Variants in STPG2 observed in about 807,000 individuals in gnomAD.
STPG2 encodes the protein sperm-tail PG-rich repeat-containing protein 2.
In STPG2, 56 loss-of-function variants were observed where a neutral mutation model predicts 54.2. The ratio of observed to expected loss-of-function variants is 1.03; its 90% confidence interval spans 0.83 to 1.29. The LOEUF is 1.29. Ranked by LOEUF, STPG2 falls within the 50% of genes most tolerant of loss-of-function variation. The pLI is 0.00. For synonymous variants in STPG2, 200 were observed against 181.8 expected, an observed-to-expected ratio of 1.10 and a Z score of -0.81; for missense variants, 596 against 544.9, an observed-to-expected ratio of 1.09 and a Z score of -0.93.
chr4:97,818,389 A>T (rs191037604), intron 9 of STPG2, among the ~76,000 whole-genome samples: 1 of 152,078 alleles, frequency 6.6e-6, no homozygotes, highest in East Asian at 1.9e-4. Context: ...TGACAATAGT[A>T]ACTAATCATA....
chr4:97,834,489 C>T (rs1455360719), intron 9 of STPG2, among the ~76,000 whole-genome samples: 2 of 151,958 alleles, frequency 1.3e-5, no homozygotes, highest in African/African-American at 2.4e-5. Context: ...CACATGTACC[C>T]CAGAACTTAA....
At chr4:98,029,185 T>G (rs566462836) in intron 5 of STPG2, among the ~76,000 whole-genome samples, 20 of 152,184 alleles carry the variant, frequency 1.3e-4, no homozygotes, top group African/African-American at 3.6e-4. Context: ...GCATGTTCTA[T>G]AAGTGCTTAT....
At chr4:97,819,828 A>T (rs1315762419) in intron 9 of STPG2, among the ~76,000 whole-genome samples, 1 of 152,188 alleles carries the variant, frequency 6.6e-6, no homozygotes, top group Non-Finnish European at 1.5e-5. Flanking sequence ...TTGTTCACAT[A>T]GAGAACACAA....
intron 5 of STPG2, among the ~76,000 whole-genome samples, chr4:98,017,482 C>T (rs2149287589): frequency 6.6e-6 from 1 of 152,272 alleles, no homozygotes; most frequent in East Asian, 1.9e-4. Flanking sequence ...TCTTCCTTTC[C>T]CAACACATTT....
intron 10 of STPG2, among the ~76,000 whole-genome samples, chr4:97,602,031 T>G (rs1238319229): frequency 6.6e-6 from 1 of 151,822 alleles, no homozygotes; most frequent in Non-Finnish European, 1.5e-5. Context: ...TTAAATAATT[T>G]TACATATTCT....
intron 5 of STPG2, among the ~76,000 whole-genome samples, chr4:98,039,655 T>C (rs1396060960): frequency 6.7e-6 from 1 of 149,688 alleles, no homozygotes; most frequent in Non-Finnish European, 1.5e-5. Context: ...AAACTGCCTT[T>C]GCACCCCTTA....
chr4:97,659,895 C>A (rs1245558051), intron 10 of STPG2, among the ~76,000 whole-genome samples: 1 of 152,178 alleles, frequency 6.6e-6, no homozygotes, highest in Non-Finnish European at 1.5e-5. Context: ...AGAGTACATC[C>A]ATCACTTCAA....
chr4:97,534,283 T>C (rs1731480606), intron 4 of STPG2, among the ~76,000 whole-genome samples: 1 of 152,178 alleles, frequency 6.6e-6, no homozygotes, highest in South Asian at 2.1e-4. Flanking sequence ...CATTCTGTGT[T>C]ATTGAATTAC....
At chr4:97,805,976 G>A (rs919687537) in intron 9 of STPG2, among the ~76,000 whole-genome samples, 13 of 152,190 alleles carry the variant, frequency 8.5e-5, no homozygotes, top group South Asian at 2.1e-4. Context: ...TAGCACTACC[G>A]TTTGACACAG....
chr4:97,930,009 C>T (rs750481112), intron 8 of STPG2, among the ~76,000 whole-genome samples: 1 of 152,158 alleles, frequency 6.6e-6, no homozygotes, highest in East Asian at 1.9e-4. Context: ...AAGCGATTCT[C>T]CCACCTCAGC....
chr4:97,537,423 A>G (rs1270715640), intron 4 of STPG2, among the ~76,000 whole-genome samples: 1 of 152,196 alleles, frequency 6.6e-6, no homozygotes, highest in Non-Finnish European at 1.5e-5. Flanking sequence ...GGAGGGTCCC[A>G]CACCCTCAGA....
chr4:97,972,366 T>A lies in STPG2; in HGVS notation c.847A>T (p.Lys283Ter). The change falls in exon 7 of 11, where the codon AAA becomes TAA. Residue 283 changes from lysine to a stop codon, truncating the protein, a stop_gained. Coordinates refer to ENST00000295268, the MANE Select transcript of STPG2 (RefSeq NM_174952.3). LOFTEE classifies it high-confidence loss of function. ...VRNICSKKQK[K>*]SAFGSSVPRT... ...GGAACAGAAGAACCAAATGCACTTT[T>A]CTTCTGTTTCTTTGAGCAGATATTT... is the stretch of plus-strand genomic sequence containing the variant. 1 of 1,610,620 alleles carries A rather than the reference T, an allele frequency of 6.2e-7. No homozygotes were observed. The highest frequency in any genetic ancestry group is 8.5e-7 in the Non-Finnish European group (1 of 1,177,784).
intron 5 of STPG2, among the ~76,000 whole-genome samples, chr4:98,022,850 C>T (rs752646924): frequency 3.3e-5 from 5 of 152,190 alleles, no homozygotes; most frequent in South Asian, 2.1e-4. Flanking sequence ...AGTTCTCGAG[C>T]GTTGGCTTTC....
chr4:97,564,287 T>A (rs1010594371), intron 10 of STPG2, among the ~76,000 whole-genome samples: 1 of 152,226 alleles, frequency 6.6e-6, no homozygotes, highest in African/African-American at 2.4e-5. Context: ...ACTTGCTTGG[T>A]AGATCTTCCT....
intron 8 of STPG2, among the ~76,000 whole-genome samples, chr4:97,887,754 A>C (rs1730631712): frequency 6.6e-6 from 1 of 152,222 alleles, no homozygotes; most frequent in Admixed American, 6.5e-5. Context: ...ACTAATAGTA[A>C]AGACAATGAA....
chr4:97,517,146 G>T (rs1280507391), intron 4 of STPG2, among the ~76,000 whole-genome samples: 1 of 151,990 alleles, frequency 6.6e-6, no homozygotes, highest in African/African-American at 2.4e-5. Flanking sequence ...GACCTCAAGT[G>T]ATTCGCCCGA....
chr4:97,988,067 T>G (rs554059406), intron 5 of STPG2, among the ~76,000 whole-genome samples: 1 of 137,872 alleles, frequency 7.3e-6, no homozygotes, highest in Non-Finnish European at 1.6e-5. Flanking sequence ...CACACACACA[T>G]ATTACCTCTC....
At chr4:98,078,913 G>A (rs1409746254) in intron 5 of STPG2, among the ~76,000 whole-genome samples, 1 of 151,974 alleles carries the variant, frequency 6.6e-6, no homozygotes, top group Admixed American at 6.6e-5. Flanking sequence ...TTAGATAATG[G>A]AAGGAAATCT....
intron 10 of STPG2, among the ~76,000 whole-genome samples, chr4:97,592,686 G>A (rs1408561072): frequency 1.3e-5 from 2 of 152,102 alleles, no homozygotes; most frequent in East Asian, 3.9e-4. Context: ...TGAAGGGCAA[G>A]GAAGCTGGGA....
Sources: gnomAD v4.1 joint callset for allele counts (sites outside exome capture counted in the v4.1 genomes callset) on GRCh38, gnomAD v4.1.1 for gene constraint, MANE v1.5 for transcripts, NCBI Gene and HGNC (gene_info 2026-07-23, HGNC 2026-07-21) for gene names.